SCARB1: variants seen among roughly 807,000 people sequenced by gnomAD.
SCARB1 encodes scavenger receptor class B member 1, also known as CD36 and LIMPII analogous 1.
SCARB1 carries 30 observed loss-of-function variants against 57.2 expected under a neutral mutation model. The observed-to-expected ratio is 0.52, with a 90% CI of 0.39 to 0.71. The LOEUF is 0.71. Among genes scored for constraint, SCARB1 ranks in the 30% least tolerant of loss-of-function variants. The probability of loss-of-function intolerance (pLI) is 0.00; values close to 1 mark genes in which losing one functional copy is unlikely to be tolerated. For synonymous variants in SCARB1, 249 were observed against 268.3 expected (o/e 0.93, Z 0.70); for missense variants, 543 against 671.2 (o/e 0.81, Z 2.11).
chr12:124,807,959 C>G lies in SCARB1; in HGVS notation c.843-32G>C. 1 of 1,611,310 alleles carries G rather than the reference C, an allele frequency of 6.2e-7. No homozygotes were observed. Among genetic ancestry groups the G allele is most frequent in the South Asian group, 1.1e-5 (1 of 91,000 alleles). The stretch of plus-strand genomic sequence containing the variant: ...GGGACAGACAGGATGAGAGGGGACA[C>G]CCAGACCCGGCGGCCAGAGCCAGGC... On this transcript the variant is annotated intron_variant, in intron 6 of 12. Coordinates refer to ENST00000261693, the MANE Select transcript of SCARB1 (RefSeq NM_005505.5). This position sits in a 1 kb window ranked among gnomAD's most constrained non-coding sequence, Gnocchi z 5.3.
chr12:124,849,337 C>T (rs1330292316), intron 1 of SCARB1, among the ~76,000 whole-genome samples: 1 of 152,206 alleles, frequency 6.6e-6, no homozygotes, highest in African/African-American at 2.4e-5. Context: ...CTCATCCCCT[C>T]TCTGCCCACG....
intron 4 of SCARB1, among the ~76,000 whole-genome samples, chr12:124,813,568 C>G (rs1015901284): frequency 2.0e-5 from 3 of 152,210 alleles, no homozygotes; most frequent in Non-Finnish European, 4.4e-5. Context: ...CAAAGCACTT[C>G]AGGATTTACA....
intron 1 of SCARB1, among the ~76,000 whole-genome samples, chr12:124,831,891 G>A (rs906784619): frequency 3.9e-5 from 6 of 152,126 alleles, no homozygotes; most frequent in African/African-American, 1.2e-4. Flanking sequence ...GCAGAGGGGC[G>A]TCCTGCAAAA....
intron 11 of SCARB1, chr12:124,785,095 T>TC (rs1253677161): frequency 1.3e-5 from 2 of 152,214 alleles, no homozygotes; most frequent in African/African-American, 4.8e-5. Flanking sequence ...CCACTTCCGT[T>TC]CCCTCCTGAT....
intron 10 of SCARB1, 96 bp from the exon 11 acceptor site, chr12:124,786,599 C>T: frequency 1.3e-6 from 2 of 1,561,146 alleles, no homozygotes; most frequent in East Asian, 2.4e-5. Flanking sequence ...CCCGCCTCAG[C>T]TTTTCCCCAC....
chr12:124,833,766 C>A (rs1200661831), intron 1 of SCARB1, among the ~76,000 whole-genome samples: 1 of 152,216 alleles, frequency 6.6e-6, no homozygotes, highest in Non-Finnish European at 1.5e-5. Flanking sequence ...GTGGACCCGG[C>A]AGGAAGCCCA....
chr12:124,810,936 G>C lies in SCARB1; in HGVS notation c.727-647C>G, dbSNP rs139171931. On this transcript the variant is annotated intron_variant, in intron 5 of 12. Coordinates refer to ENST00000261693, the MANE Select transcript of SCARB1 (RefSeq NM_005505.5). The surrounding 1 kb of genome is among the most constrained non-coding windows in gnomAD (Gnocchi z 4.0). Reference sequence around the variant, plus strand: ...TTTGCCACTCTGGGCACCGGTTGGGGTACGATTTGTCCCTAGCCCTCAGGG... The same window carrying C: ...TTTGCCACTCTGGGCACCGGTTGGGCTACGATTTGTCCCTAGCCCTCAGGG... Among the ~76,000 whole-genome samples the C allele has an allele frequency of 1.3e-5, 2 of 152,214 alleles. No homozygotes were observed. Among genetic ancestry groups the C allele is most frequent in the African/African-American group, 2.4e-5 (1 of 41,466 alleles).
At chr12:124,840,178 T>G (rs1358585188) in intron 1 of SCARB1, among the ~76,000 whole-genome samples, 3 of 150,918 alleles carry the variant, frequency 2.0e-5, no homozygotes, top group African/African-American at 7.4e-5. Flanking sequence ...CCCCGTTGGC[T>G]ATCTGCATTT....
chr12:124,803,463 C>G (rs982063518), intron 7 of SCARB1, among the ~76,000 whole-genome samples: 1 of 151,994 alleles, frequency 6.6e-6, no homozygotes, highest in African/African-American at 2.4e-5. Context: ...CCCAGCTACT[C>G]AGGAGGCTGG....
In SCARB1 at chr12:124,800,011, A is replaced by G. The variant is rs1392899358; in HGVS notation, c.1128+113T>C. 1.2e-6 allele frequency: 1 copy of G among 820,732 alleles called. No individual in the cohort carries two copies. Among genetic ancestry groups the G allele is most frequent in the Non-Finnish European group, 2.1e-6 (1 of 470,346 alleles). 50.8% of individuals were successfully genotyped at this position (820,732 alleles called of 1,614,324 possible). On this transcript the variant is annotated intron_variant, in intron 8 of 12. Transcript: ENST00000261693. This position sits in a 1 kb window ranked among gnomAD's most constrained non-coding sequence, Gnocchi z 4.8. ...TTGGTGGCTCGAGATTCTAGAAGCC[A>G]GGCTTCCCACCACCCCAGCCCACAG...
At chr12:124,786,556 C>A (rs1594187964) in intron 10 of SCARB1, 53 bp from the exon 11 acceptor site, 1 of 1,606,578 alleles carries the variant, frequency 6.2e-7, no homozygotes, top group Non-Finnish European at 8.5e-7. Context: ...CTGCGGGCTA[C>A]AGCGCAGATG....
At position 124,807,393 on chromosome 12, in the gene SCARB1, A is replaced by C. The variant is rs2135639307; in HGVS notation, c.1009+368T>G. 6.6e-6 allele frequency among the ~76,000 whole-genome samples: 1 copy of C among 152,214 alleles called. No homozygotes were observed. The highest frequency in any genetic ancestry group is 2.1e-4 in the South Asian group (1 of 4,808). On this transcript the variant is annotated intron_variant, in intron 7 of 12. Coordinates refer to ENST00000261693, the MANE Select transcript of SCARB1 (RefSeq NM_005505.5). This position sits in a 1 kb window ranked among gnomAD's most constrained non-coding sequence, Gnocchi z 5.3. ...GTGGAGGAAGGGCCCGGGAGCCAAGAAACACAGAGGGGCCTCTGGAAGCCA... is the reference window on the plus strand; with the variant it reads ...GTGGAGGAAGGGCCCGGGAGCCAAGCAACACAGAGGGGCCTCTGGAAGCCA...
Position 124,786,398 on chromosome 12 carries a change from C to A in SCARB1, c.1360G>T (p.Val454Phe), listed in dbSNP as rs11555540. The change falls in exon 11 of 13, where the codon GTC becomes TTC. Residue 454 changes from valine (V) to phenylalanine (F), a missense_variant. Transcript: ENST00000261693. ...CAGATGACAGGGACCAGCAGCAGGACGCAGCCCAGCGCCAGGAGGACGTAC... is the reference window on the plus strand; with the variant it reads ...CAGATGACAGGGACCAGCAGCAGGAAGCAGCCCAGCGCCAGGAGGACGTAC... ...AQYVLLALGC[V>F]LLLVPVICQI... 1 of 1,614,162 alleles carries A rather than the reference C, an allele frequency of 6.2e-7. No homozygotes were observed. Among genetic ancestry groups the A allele is most frequent in the Non-Finnish European group, 8.5e-7 (1 of 1,180,050 alleles).
intron 12 of SCARB1, among the ~76,000 whole-genome samples, chr12:124,780,403 G>A (rs1873220162): frequency 6.6e-6 from 1 of 152,172 alleles, no homozygotes; most frequent in South Asian, 2.1e-4. Flanking sequence ...AAGCAAGGCA[G>A]CCCCTCAGGG....
In SCARB1 at chr12:124,817,522, CT is replaced by C; in HGVS notation, c.284+27del. 6.2e-7 allele frequency: 1 copy of C among 1,611,962 alleles called. No homozygotes were observed. The highest frequency in any genetic ancestry group is 8.5e-7 in the Non-Finnish European group (1 of 1,179,702). On this transcript the variant is annotated intron_variant, in intron 2 of 12. Coordinates refer to ENST00000261693, the MANE Select transcript of SCARB1 (RefSeq NM_005505.5). This position sits in a 1 kb window ranked among gnomAD's most constrained non-coding sequence, Gnocchi z 4.8. Reference sequence around the variant, plus strand: ...TCCCCTGCCCAGCCTCAGCCGGCCCCTCCACCCTCACCTGGACACAGCCTCA... The same window carrying C: ...TCCCCTGCCCAGCCTCAGCCGGCCCCCCACCCTCACCTGGACACAGCCTCA...
In SCARB1 at chr12:124,817,936, T is replaced by A. The variant is rs894059809; in HGVS notation, c.127-229A>T. Among the ~76,000 whole-genome samples the A allele has an allele frequency of 6.6e-6, 1 of 152,090 alleles. No individual in the cohort carries two copies. Reference sequence around the variant, plus strand: ...CTGTCATAATGCATCTTAAAATATGTCCTAACAGCAACAGGTGACACCAGT... The same window carrying A: ...CTGTCATAATGCATCTTAAAATATGACCTAACAGCAACAGGTGACACCAGT... On this transcript the variant is annotated intron_variant, in intron 1 of 12. Transcript: ENST00000261693. This position sits in a 1 kb window ranked among gnomAD's most constrained non-coding sequence, Gnocchi z 4.8.
intron 2 of SCARB1, among the ~76,000 whole-genome samples, chr12:124,816,467 G>C (rs967986941): frequency 3.3e-5 from 5 of 152,232 alleles, no homozygotes; most frequent in African/African-American, 1.2e-4. Context: ...ATGAACGAGC[G>C]AATGAGTGAA....
chr12:124,851,609 T>C (rs1952403485), intron 1 of SCARB1, among the ~76,000 whole-genome samples: 1 of 98,094 alleles, frequency 1.0e-5, no homozygotes, highest in Admixed American at 9.3e-5. Context: ...AAGGATTCCA[T>C]TTTTTTTTTT....
At position 124,863,461 on chromosome 12, in the gene SCARB1, G is replaced by C. The variant is rs1952984754; in HGVS notation, c.126+134C>G. The stretch of plus-strand genomic sequence containing the variant: ...CCTCCCGAAGCGCCTGGCCTCCCTC[G>C]TGCTCTGCGGCGCCAGGCCCGGGCG... On this transcript the variant is annotated intron_variant, in intron 1 of 12. Transcript: ENST00000261693. 4.5e-6 allele frequency: 4 copies of C among 888,254 alleles called. No individual in the cohort carries two copies. The South Asian group carries it at 7.2e-5, about 16-fold the overall frequency. The allele number at this position is 888,254 out of a possible 1,614,324, so 55.0% of individuals were successfully genotyped here. A position where few individuals can be genotyped will look rare whatever the true frequency, so the allele number is the denominator to read the frequency against.
Sources: allele counts gnomAD v4.1 joint callset (sites outside exome capture counted in the v4.1 genomes callset), GRCh38; gene constraint gnomAD v4.1.1; non-coding constraint Gnocchi (gnomAD v3.1); transcripts MANE v1.5; gene names NCBI Gene and HGNC (gene_info 2026-07-23, HGNC 2026-07-21).